NAV2: variants seen among roughly 807,000 people sequenced by gnomAD.
The protein encoded by NAV2 is neuron navigator 2.
In NAV2, 54 loss-of-function variants were observed where a neutral mutation model predicts 223.2. The observed-to-expected ratio is 0.24, with a 90% CI of 0.19 to 0.30. NAV2 has a LOEUF of 0.30. NAV2 is among the 10% of genes least tolerant of loss of function. NAV2 has a pLI of 1.00. For missense variants in NAV2, 2,806 were observed against 3,147.5 expected (o/e 0.89, Z 2.60); for synonymous variants, 1,279 against 1,239.3 (o/e 1.03, Z -0.67).
At chr11:19,789,316 A>G (rs2057360968) in intron 1 of NAV2, among the ~76,000 whole-genome samples, 1 of 152,224 alleles carries the variant, frequency 6.6e-6, no homozygotes. Context: ...TGTGAATGCT[A>G]AATAATGAAA....
At chr11:19,926,810 G>C (rs1423529119) in intron 6 of NAV2, among the ~76,000 whole-genome samples, 1 of 152,024 alleles carries the variant, frequency 6.6e-6, no homozygotes, top group African/African-American at 2.4e-5. Context: ...CCTCCCCAGG[G>C]CAGATTTAAA....
chr11:19,485,306 CTT>C (rs1420027562), intron 1 of NAV2, among the ~76,000 whole-genome samples: 5 of 152,184 alleles, frequency 3.3e-5, no homozygotes, highest in Non-Finnish European at 5.9e-5. Flanking sequence ...CTAGCCCTGA[CTT>C]TTCATTCCCA....
intron 1 of NAV2, among the ~76,000 whole-genome samples, chr11:19,431,577 C>G (rs1397444473): frequency 6.6e-6 from 1 of 152,202 alleles, no homozygotes; most frequent in Non-Finnish European, 1.5e-5. Context: ...GGGCTGGGTG[C>G]TGACCCCATC....
chr11:19,386,229 A>G (rs1473043551), intron 1 of NAV2, among the ~76,000 whole-genome samples: 1 of 152,264 alleles, frequency 6.6e-6, no homozygotes, highest in Non-Finnish European at 1.5e-5. Flanking sequence ...TGAATCAAAC[A>G]CAGAAGGAAC....
At chr11:19,957,960 G>A (rs900865973) in intron 10 of NAV2, among the ~76,000 whole-genome samples, 1 of 152,172 alleles carries the variant, frequency 6.6e-6, no homozygotes, top group Admixed American at 6.5e-5. Context: ...GTTGGGCCTC[G>A]ATTTCTTGGG....
intron 1 of NAV2, among the ~76,000 whole-genome samples, chr11:19,382,549 G>A (rs1202462009): frequency 6.6e-6 from 1 of 152,176 alleles, no homozygotes; most frequent in Admixed American, 6.5e-5. Context: ...GGCAACAACA[G>A]CTCTGTGGGA....
intron 1 of NAV2, among the ~76,000 whole-genome samples, chr11:19,523,773 C>G (rs1277272778): frequency 6.6e-6 from 1 of 152,180 alleles, no homozygotes; most frequent in Non-Finnish European, 1.5e-5. Flanking sequence ...ACCTTCTTCT[C>G]CAGCATCCTC....
chr11:19,958,470 C>T (rs528822902), intron 10 of NAV2, among the ~76,000 whole-genome samples: 2 of 152,140 alleles, frequency 1.3e-5, no homozygotes, highest in African/African-American at 4.8e-5. Flanking sequence ...CACAAACACC[C>T]TTACCATAAG....
At chr11:19,894,061 A>G (rs1258317630) in intron 6 of NAV2, among the ~76,000 whole-genome samples, 2 of 152,244 alleles carry the variant, frequency 1.3e-5, no homozygotes, top group Non-Finnish European at 2.9e-5. Flanking sequence ...ATATATATGT[A>G]ACAGAAAGTT....
At chr11:19,948,634 T>C (rs2153366826) in intron 9 of NAV2, 57 bp from the exon 10 acceptor site, 1 of 1,483,082 alleles carries the variant, frequency 6.7e-7, no homozygotes, top group Non-Finnish European at 9.0e-7. Flanking sequence ...AAAGAACATA[T>C]AAACTGTGAA....
intron 1 of NAV2, among the ~76,000 whole-genome samples, chr11:19,817,576 G>T (rs1028982117): frequency 6.6e-6 from 1 of 152,104 alleles, no homozygotes; most frequent in African/African-American, 2.4e-5. Context: ...AATTGAGGAT[G>T]GTCAGTGTTT....
intron 1 of NAV2, among the ~76,000 whole-genome samples, chr11:19,625,362 A>C (rs2047136648): frequency 6.6e-6 from 1 of 152,100 alleles, no homozygotes. Flanking sequence ...AGTTCCATCC[A>C]TGTTGCTATG....
rs1318439340 is a variant in NAV2 at position 20,119,039 on chromosome 11, T to A, written c.*781T>A. 1 of 151,038 alleles carries A rather than the reference T, an allele frequency of 6.6e-6. No homozygotes were observed. The highest frequency in any genetic ancestry group is 1.5e-5 in the Non-Finnish European group (1 of 67,870). 9.4% of individuals were successfully genotyped at this position (151,038 alleles called of 1,614,324 possible). ...CAGTGCAGAACAGCATGTGTCTCTT[T>A]CCTTCTGATATATGAATGAATCAGG... On this transcript the variant is annotated 3_prime_UTR_variant, in exon 38 of 38. Transcript: ENST00000349880.
chr11:20,053,167 G>A (rs911107133), intron 17 of NAV2, among the ~76,000 whole-genome samples: 5 of 135,876 alleles, frequency 3.7e-5, no homozygotes, highest in African/African-American at 1.4e-4. Context: ...GCAGTGAGCC[G>A]AGATCATGCC....
chr11:19,665,937 G>GTCA lies in NAV2; in HGVS notation c.76-166532_76-166530dup, dbSNP rs530657977. Among the ~76,000 whole-genome samples, 41 of 151,766 alleles carry GTCA rather than the reference G, an allele frequency of 2.7e-4. 1 individual carries two copies. The South Asian group carries it at 6.7e-3, about 25-fold the overall frequency. On this transcript the variant is annotated intron_variant, in intron 1 of 37. Transcript: ENST00000360655. The stretch of plus-strand genomic sequence containing the variant: ...CAGAATCATCATCATCATCATCATC[G>GTCA]TCATCATCATCATCATCGTCATCAC...
At chr11:19,567,098 C>T (rs565192216) in intron 1 of NAV2, among the ~76,000 whole-genome samples, 29 of 152,318 alleles carry the variant, frequency 1.9e-4, no homozygotes, top group African/African-American at 5.5e-4. Context: ...ATTTCTGTCT[C>T]CACCATGTTC....
At chr11:19,807,584 C>G (rs1221927922) in intron 1 of NAV2, among the ~76,000 whole-genome samples, 2 of 152,214 alleles carry the variant, frequency 1.3e-5, no homozygotes. Context: ...ACCACTGAAC[C>G]ATCAGCCATG....
intron 1 of NAV2, among the ~76,000 whole-genome samples, chr11:19,631,462 C>T (rs149948906): frequency 5.9e-5 from 9 of 152,300 alleles, no homozygotes; most frequent in African/African-American, 1.9e-4. Context: ...TCATAAAATG[C>T]CCATGTAAGA....
chr11:20,058,910 T>G (rs1379352935), intron 19 of NAV2, among the ~76,000 whole-genome samples: 2 of 152,194 alleles, frequency 1.3e-5, no homozygotes, highest in Non-Finnish European at 2.9e-5. Context: ...AATTGTCATA[T>G]TATAGCCTTC....
Sources: allele counts gnomAD v4.1 joint callset (sites outside exome capture counted in the v4.1 genomes callset), GRCh38; gene constraint gnomAD v4.1.1; transcripts MANE v1.5; gene names NCBI Gene and HGNC (gene_info 2026-07-23, HGNC 2026-07-21).